Variants in SYNE1 observed in about 807,000 individuals in gnomAD.
The protein encoded by SYNE1 is nesprin-1.
Under a neutral mutation model 1,111.0 loss-of-function variants are expected in SYNE1, and 616 were observed. The observed-to-expected ratio is 0.55, with a 90% CI of 0.52 to 0.59. The LOEUF (loss-of-function observed/expected upper bound fraction) is 0.59, where lower values mean the gene tolerates loss of function less well. Among genes scored for constraint, SYNE1 ranks in the 20% least tolerant of loss-of-function variants. SYNE1 has a pLI of 0.00. For synonymous variants in SYNE1, 3,855 were observed against 3,825.8 expected (o/e 1.01, Z -0.28); for missense variants, 10,006 against 10,417.0 (o/e 0.96, Z 1.72).
At chr6:152,187,172 T>A (rs1274789963) in intron 128 of SYNE1, among the ~76,000 whole-genome samples, 1 of 152,192 alleles carries the variant, frequency 6.6e-6, no homozygotes, top group Non-Finnish European at 1.5e-5. Context: ...ATCTCATACA[T>A]GTATCCCCCG....
intron 143 of SYNE1, among the ~76,000 whole-genome samples, chr6:152,132,873 AT>A (rs11360288): frequency 0.43 from 63,285 of 146,178 alleles, 13,972 homozygotes; most frequent in East Asian, 0.66. Flanking sequence ...CTGTTTTTTA[AT>A]TTTTTTTTTT....
intron 62 of SYNE1, among the ~76,000 whole-genome samples, chr6:152,366,837 G>T (rs956699968): frequency 2.6e-5 from 4 of 152,192 alleles, no homozygotes; most frequent in African/African-American, 9.7e-5. Flanking sequence ...AACTTGGGAT[G>T]GGAGGAGAAT....
At chr6:152,518,872 A>G (rs1386438454) in intron 6 of SYNE1, among the ~76,000 whole-genome samples, 2 of 149,384 alleles carry the variant, frequency 1.3e-5, no homozygotes, top group African/African-American at 4.9e-5. Context: ...AGAGAGAGAG[A>G]GGAGAGAGAG....
At chr6:152,392,142 C>T (rs982468069) in intron 51 of SYNE1, among the ~76,000 whole-genome samples, 2 of 152,154 alleles carry the variant, frequency 1.3e-5, no homozygotes, top group Non-Finnish European at 2.9e-5. Flanking sequence ...CCTTGTCTTG[C>T]TCTATCGCCA....
rs1020407601 is a variant in SYNE1, at chr6:152,334,403, A to G, written c.12529-130T>C. On this transcript the variant is annotated intron_variant, in intron 76 of 145. Coordinates refer to ENST00000367255, the MANE Select transcript of SYNE1 (RefSeq NM_182961.4). ...ATATGAAAAAAACTGAAGAATGTAT[A>G]ATAAGTTATGGGAAACAAAGAGAAA... is the stretch of plus-strand genomic sequence containing the variant. 4 of 1,034,006 alleles carry G rather than the reference A, an allele frequency of 3.9e-6. 1 individual carries two copies. In the Admixed American group the frequency reaches 1.1e-4, roughly 28 times the overall value. The allele number at this position is 1,034,006 out of a possible 1,614,324, so 64.1% of individuals were successfully genotyped here.
At chr6:152,378,467 T>G (rs944713433) in intron 56 of SYNE1, among the ~76,000 whole-genome samples, 5 of 152,212 alleles carry the variant, frequency 3.3e-5, no homozygotes, top group African/African-American at 1.2e-4. Flanking sequence ...GCAAGAGATA[T>G]CCAGGCTAGC....
intron 34 of SYNE1, 84 bp downstream of exon 34, chr6:152,433,711 G>A: frequency 6.6e-7 from 1 of 1,513,018 alleles, no homozygotes; most frequent in Non-Finnish European, 9.2e-7. Context: ...CTTGTCCTGG[G>A]ACCGAACAGC....
At position 152,442,166 on chromosome 6, in the gene SYNE1, A is replaced by T. The variant is rs1417438989; in HGVS notation, c.3917T>A (p.Leu1306Gln). Residue 1306 changes from leucine to glutamine, a missense_variant, in exon 31 of 146, where the codon CTG becomes CAG. By Grantham distance (113) the Leu-to-Gln change is moderately radical (BLOSUM62 -2). Around this residue, in one of 7 missense-constraint regions of SYNE1, gnomAD observed 1,971 missense variants for 2,084.1 expected, o/e 0.95. Coordinates refer to ENST00000367255, the MANE Select transcript of SYNE1 (RefSeq NM_182961.4). ...CAGCTCCTCGTGGCCTCGGTCAGGC[A>T]GCCCCCCTTCTCCCTGCTGCGCCTG... ...IAQAQQGEGGLPDRGHEELRK... is the reference protein window; with the variant it reads ...IAQAQQGEGGQPDRGHEELRK... The T allele has an allele frequency of 6.2e-7, 1 of 1,613,716 alleles. No homozygotes were observed. Among genetic ancestry groups the T allele is most frequent in the African/African-American group, 1.3e-5 (1 of 74,928 alleles).
intron 3 of SYNE1, among the ~76,000 whole-genome samples, chr6:152,620,305 C>A (rs2099672512): frequency 6.6e-6 from 1 of 151,970 alleles, no homozygotes; most frequent in Non-Finnish European, 1.5e-5. Flanking sequence ...ATTTCACAAA[C>A]CTCTTTTCTT....
chr6:152,270,155 TGA>T (rs2153682862), intron 98 of SYNE1, among the ~76,000 whole-genome samples: 1 of 152,332 alleles, frequency 6.6e-6, no homozygotes, highest in South Asian at 2.1e-4. Flanking sequence ...TCTCTATCTT[TGA>T]GAGTCTGCTG....
At chr6:152,184,358 A>G (rs368746306) in intron 128 of SYNE1, among the ~76,000 whole-genome samples, 152 of 150,654 alleles carry the variant, frequency 1.0e-3, no homozygotes, top group African/African-American at 3.5e-3. Context: ...AACTGCTTGA[A>G]CCCAGGAGGC....
chr6:152,507,702 T>C (rs1287437880), intron 8 of SYNE1, among the ~76,000 whole-genome samples: 1 of 152,180 alleles, frequency 6.6e-6, no homozygotes, highest in African/African-American at 2.4e-5. Context: ...TATGCATATA[T>C]TTATTTATTT....
At chr6:152,306,253 A>G (rs960303748) in intron 91 of SYNE1, among the ~76,000 whole-genome samples, 5 of 152,178 alleles carry the variant, frequency 3.3e-5, no homozygotes, top group Non-Finnish European at 7.3e-5. Context: ...TGGGAGGCCA[A>G]GGTAGATGGA....
rs2098513898 is a variant in SYNE1, at chr6:152,440,013, C to G, written c.4149+1117G>C. Among the ~76,000 whole-genome samples the G allele has an allele frequency of 3.9e-5, 6 of 152,162 alleles. No individual in the cohort carries two copies. In the South Asian group the frequency reaches 1.0e-3, roughly 26 times the overall value. ...TTTCCCATGAACAACTTCTCGTTCA[C>G]ATCCCCCATCTCACTTCCATTGTCT... On this transcript the variant is annotated intron_variant, in intron 32 of 145. Transcript: ENST00000367255.
At chr6:152,306,649 G>A (rs1378451621) in intron 91 of SYNE1, among the ~76,000 whole-genome samples, 2 of 151,416 alleles carry the variant, frequency 1.3e-5, no homozygotes, top group South Asian at 2.1e-4. Context: ...GCTGAGGCAG[G>A]CATATCACTT....
At chr6:152,411,032 C>T (rs1484754559) in intron 42 of SYNE1, among the ~76,000 whole-genome samples, 1 of 152,136 alleles carries the variant, frequency 6.6e-6, no homozygotes, top group Admixed American at 6.5e-5. Context: ...AAAATGCCTA[C>T]AGAAATAGTC....
At chr6:152,370,019 A>C (rs569522848) in intron 59 of SYNE1, among the ~76,000 whole-genome samples, 1 of 151,534 alleles carries the variant, frequency 6.6e-6, no homozygotes, top group African/African-American at 2.4e-5. Context: ...TTCCACAAAA[A>C]AAAAACCAAG....
Position 152,337,058 on chromosome 6 carries a change from G to C in SYNE1, c.12352-41C>G, listed in dbSNP as rs1311616020. Reference sequence around the variant, plus strand: ...AGATAAAAGTTAGCAACCATACATGGAAACATTTATGGTTAATGAATCAGA... The same window carrying C: ...AGATAAAAGTTAGCAACCATACATGCAAACATTTATGGTTAATGAATCAGA... On this transcript the variant is annotated intron_variant, in intron 75 of 145. Coordinates refer to ENST00000367255, the MANE Select transcript of SYNE1 (RefSeq NM_182961.4). 1.9e-6 allele frequency: 3 copies of C among 1,585,272 alleles called. No homozygotes were observed. In the South Asian group the frequency reaches 3.4e-5, roughly 18 times the overall value.
At chr6:152,338,108 A>G (rs530147347) in intron 75 of SYNE1, among the ~76,000 whole-genome samples, 71 of 152,232 alleles carry the variant, frequency 4.7e-4, no homozygotes, top group African/African-American at 1.7e-3. Flanking sequence ...AAATTGCGCC[A>G]CTGTGCTCCG....
Sources: gnomAD v4.1 joint callset for allele counts (sites outside exome capture counted in the v4.1 genomes callset) on GRCh38, gnomAD v4.1.1 for gene constraint, gnomAD v4.1.1 regional missense constraint, MANE v1.5 for transcripts, NCBI Gene and HGNC (gene_info 2026-07-23, HGNC 2026-07-21) for gene names.